Variants in RSPO2 observed in about 807,000 individuals in gnomAD.
The protein encoded by RSPO2 is R-spondin 2.
In RSPO2, 14 loss-of-function variants were observed where a neutral mutation model predicts 30.9. That is an observed-to-expected ratio of 0.45 (90% CI 0.30 to 0.71). RSPO2 has a LOEUF of 0.71. Ranked by LOEUF, RSPO2 falls within the 30% of genes least tolerant of loss-of-function variation. RSPO2 has a pLI of 0.08. For synonymous variants in RSPO2, 107 were observed against 96.4 expected (o/e 1.11, Z -0.64); for missense variants, 264 against 301.9 (o/e 0.87, Z 0.93).
In RSPO2 at chr8:108,008,787, C is replaced by CAAAAA. The variant is rs71308768; in HGVS notation, c.95-19548_95-19544dup. On this transcript the variant is annotated intron_variant, in intron 2 of 5. Transcript: ENST00000276659. ...GGCTATCTAAAAAGGTCATAAACTG[C>CAAAAA]AAAAAAAAAAAAATAAAGAAAAAGG... is the stretch of plus-strand genomic sequence containing the variant. Among the ~76,000 whole-genome samples the CAAAAA allele has an allele frequency of 7.0e-3, 862 of 123,648 alleles. 7 individuals carry two copies. Among genetic ancestry groups the CAAAAA allele is most frequent in the African/African-American group, 0.016 (509 of 31,688 alleles). The allele number at this position is 123,648 out of a possible 152,430, so 81.1% of individuals were successfully genotyped here.
intron 5 of RSPO2, among the ~76,000 whole-genome samples, chr8:107,948,694 C>T (rs1215847440): frequency 6.6e-6 from 1 of 151,898 alleles, no homozygotes; most frequent in Non-Finnish European, 1.5e-5. Context: ...CCTATCTCTA[C>T]TGAAAATACA....
At chr8:107,919,049 C>A (rs920999090) in intron 5 of RSPO2, among the ~76,000 whole-genome samples, 1 of 152,080 alleles carries the variant, frequency 6.6e-6, no homozygotes, top group Non-Finnish European at 1.5e-5. Context: ...ACAATACTAA[C>A]ACCTTTGCCA....
At chr8:108,028,425 G>A (rs1243247230) in intron 2 of RSPO2, among the ~76,000 whole-genome samples, 1 of 152,166 alleles carries the variant, frequency 6.6e-6, no homozygotes, top group African/African-American at 2.4e-5. Context: ...ACATCGCACA[G>A]GAGGAGGCAG....
At chr8:107,943,572 T>G (rs1812967836) in intron 5 of RSPO2, among the ~76,000 whole-genome samples, 1 of 152,162 alleles carries the variant, frequency 6.6e-6, no homozygotes, top group Non-Finnish European at 1.5e-5. Flanking sequence ...GATATCCAGG[T>G]CTTATGTTTC....
intron 2 of RSPO2, among the ~76,000 whole-genome samples, chr8:108,078,296 G>A (rs768548264): frequency 3.3e-5 from 5 of 152,260 alleles, no homozygotes; most frequent in Middle Eastern, 3.4e-3. Context: ...AAATTATGCC[G>A]TTATGTTGGA....
intron 2 of RSPO2, among the ~76,000 whole-genome samples, chr8:108,067,772 A>G (rs1812718531): frequency 6.6e-6 from 1 of 152,208 alleles, no homozygotes; most frequent in African/African-American, 2.4e-5. Flanking sequence ...AGCAGCTCTT[A>G]GAGGACAGCT....
intron 2 of RSPO2, among the ~76,000 whole-genome samples, chr8:108,056,851 T>C (rs1339754880): frequency 1.4e-5 from 2 of 147,668 alleles, no homozygotes; most frequent in Admixed American, 1.4e-4. Context: ...AGGTCAGGAG[T>C]TTGAGACCAA....
chr8:107,964,247 A>G (rs918013795), intron 3 of RSPO2, among the ~76,000 whole-genome samples: 2 of 152,138 alleles, frequency 1.3e-5, no homozygotes, highest in Non-Finnish European at 2.9e-5. Flanking sequence ...TCATTCATTC[A>G]TTCATTCATT....
At chr8:107,920,214 C>T (rs1477617794) in intron 5 of RSPO2, among the ~76,000 whole-genome samples, 2 of 152,082 alleles carry the variant, frequency 1.3e-5, no homozygotes, top group Non-Finnish European at 2.9e-5. Context: ...ACTATGGCTA[C>T]CACCTAAATA....
chr8:108,043,161 TGGA>T (rs1253716869), intron 2 of RSPO2, among the ~76,000 whole-genome samples: 1 of 152,180 alleles, frequency 6.6e-6, no homozygotes, highest in Non-Finnish European at 1.5e-5. Flanking sequence ...AGAGCAATTA[TGGA>T]ACAGCAAGTG....
intron 2 of RSPO2, among the ~76,000 whole-genome samples, chr8:108,028,004 A>C (rs527402252): frequency 6.6e-6 from 1 of 152,170 alleles, no homozygotes; most frequent in Non-Finnish European, 1.5e-5. Context: ...CCAGCCCTAC[A>C]TGAAGCCATT....
In RSPO2 at chr8:108,022,111, T is replaced by A. The variant is rs571573881; in HGVS notation, c.95-32867A>T. ...ACTGACACTTTATCCCTCCAGTATGTGCTTTAGGTGGTCACCTCCCCACAC... is the reference window on the plus strand; with the variant it reads ...ACTGACACTTTATCCCTCCAGTATGAGCTTTAGGTGGTCACCTCCCCACAC... On this transcript the variant is annotated intron_variant, in intron 2 of 5. Coordinates refer to ENST00000276659, the MANE Select transcript of RSPO2 (RefSeq NM_178565.5). Among the ~76,000 whole-genome samples, 13 of 152,262 alleles carry A rather than the reference T, an allele frequency of 8.5e-5. No individual in the cohort carries two copies. In the East Asian group the frequency reaches 1.9e-3, roughly 23 times the overall value.
At chr8:107,928,429 A>T (rs1038709507) in intron 5 of RSPO2, among the ~76,000 whole-genome samples, 1 of 152,234 alleles carries the variant, frequency 6.6e-6, no homozygotes, top group Non-Finnish European at 1.5e-5. Context: ...TTGCCAAAGT[A>T]TTCCAGATTA....
intron 2 of RSPO2, among the ~76,000 whole-genome samples, chr8:108,070,332 C>CCGGACTG (rs1207237668): frequency 1.4e-4 from 20 of 139,898 alleles, no homozygotes; most frequent in African/African-American, 4.8e-4. Flanking sequence ...GTCGCCCAGG[C>CCGGACTG]CGGACTGCGG....
intron 3 of RSPO2, among the ~76,000 whole-genome samples, chr8:107,970,620 T>A (rs1370691377): frequency 6.6e-6 from 1 of 152,206 alleles, no homozygotes; most frequent in Non-Finnish European, 1.5e-5. Context: ...AATACTTTCA[T>A]TTCAATATTT....
intron 5 of RSPO2, among the ~76,000 whole-genome samples, chr8:107,914,388 A>T (rs1033857339): frequency 6.6e-6 from 1 of 152,102 alleles, no homozygotes; most frequent in Non-Finnish European, 1.5e-5. Context: ...GAAAATAATC[A>T]TAGGTACTTT....
chr8:107,901,077 A>AT lies in RSPO2; in HGVS notation c.729dup (p.Ter244IlefsTer7). 1 of 1,609,854 alleles carries AT rather than the reference A, an allele frequency of 6.2e-7. No individual in the cohort carries two copies. Among genetic ancestry groups the AT allele is most frequent in the Non-Finnish European group, 8.5e-7 (1 of 1,179,086 alleles). On this transcript the variant is annotated frameshift_variant, in exon 6 of 6. Transcript: ENST00000276659. LOFTEE classifies it high-confidence loss of function. ...AAAAATCTACCGGATCTCTTGTTTT[A>AT]TTGGTTAGCTCTGTCTGTAGCTAGG...
At chr8:107,945,306 T>A (rs1210940309) in intron 5 of RSPO2, among the ~76,000 whole-genome samples, 1 of 132,750 alleles carries the variant, frequency 7.5e-6, no homozygotes, top group Non-Finnish European at 1.6e-5. Context: ...TGGAGTGCAG[T>A]GGCGCGATCT....
chr8:107,909,429 C>T (rs1347992565), intron 5 of RSPO2, among the ~76,000 whole-genome samples: 1 of 151,672 alleles, frequency 6.6e-6, no homozygotes, highest in African/African-American at 2.4e-5. Context: ...TGCCTGGATA[C>T]TTTTTGTATT....
Sources: gnomAD v4.1 joint callset for allele counts (sites outside exome capture counted in the v4.1 genomes callset) on GRCh38, gnomAD v4.1.1 for gene constraint, MANE v1.5 for transcripts, NCBI Gene and HGNC (gene_info 2026-07-23, HGNC 2026-07-21) for gene names.